KLK5: variants seen among roughly 807,000 people sequenced by gnomAD.
The protein encoded by KLK5 is kallikrein related peptidase 5, also known as kallikrein-5.
Under a neutral mutation model 24.0 loss-of-function variants are expected in KLK5, and 18 were observed. That is an observed-to-expected ratio of 0.75 (90% confidence interval 0.52 to 1.11). KLK5 has a LOEUF of 1.11. KLK5 is among the 50% of genes most tolerant of loss of function. The pLI, the probability that KLK5 is intolerant of heterozygous loss-of-function variation, is 0.00. For synonymous variants in KLK5, 140 were observed against 154.0 expected (o/e 0.91, Z 0.67); for missense variants, 374 against 379.2 (o/e 0.99, Z 0.11).
rs2090658501 is a variant in KLK5, at chr19:50,948,873, G to A, written c.578C>T (p.Thr193Ile). The A allele has an allele frequency of 1.2e-6, 2 of 1,614,070 alleles. No individual in the cohort carries two copies. Among genetic ancestry groups the A allele is most frequent in the Middle Eastern group, 1.6e-4 (1 of 6,062 alleles). ...TGGACACTCACCTTGGGGGCTCTTGGTTGTCCCCCAGCCAGACACCAAGCA... is the reference window on the plus strand; with the variant it reads ...TGGACACTCACCTTGGGGGCTCTTGATTGTCCCCCAGCCAGACACCAAGCA... ...TKCLVSGWGT[T>I]KSPQVHFPKV... Residue 193 changes from threonine to isoleucine, a missense_variant, in exon 4 of 6, where the codon ACC becomes ATC. Thr to Ile is a moderately conservative substitution (Grantham distance 89). Transcript: ENST00000336334.
intron 4 of KLK5, 27 bp downstream of exon 4, chr19:50,948,832 G>A (rs376886871): frequency 5.9e-5 from 95 of 1,613,874 alleles, no homozygotes; most frequent in South Asian, 1.3e-4. Flanking sequence ...GAGATGGGTC[G>A]GTATCAAGAA....
intron 5 of KLK5, among the ~76,000 whole-genome samples, chr19:50,944,974 C>A (rs2090617870): frequency 6.6e-6 from 1 of 150,708 alleles, no homozygotes; most frequent in South Asian, 2.1e-4. Flanking sequence ...TTTCTTTCTT[C>A]TTTCTTTCTT....
Position 50,950,093 on chromosome 19 carries a change from C to A in KLK5, c.97G>T (p.Val33Phe). The A allele has an allele frequency of 6.2e-7, 1 of 1,612,176 alleles. No homozygotes were observed. The highest frequency in any genetic ancestry group is 1.1e-5 in the South Asian group (1 of 91,046). ...GTGTTAGAGGGGTGGTCACAGGAAA[C>A]ATCATTGTTGGCGAGAACATGCTCT... ...VTEHVLANND[V>F]SCDHPSNTVP... Residue 33 changes from valine to phenylalanine, a missense_variant, in exon 3 of 6, where the codon GTT becomes TTT. Coordinates refer to ENST00000336334, the MANE Select transcript of KLK5 (RefSeq NM_012427.5).
chr19:50,951,018 T>A (rs1220638471), intron 2 of KLK5, among the ~76,000 whole-genome samples: 1 of 147,382 alleles, frequency 6.8e-6, no homozygotes. Flanking sequence ...CCTAGGGGCG[T>A]GGTTGAGGAA....
chr19:50,944,425 C>T, intron 5 of KLK5, among the ~76,000 whole-genome samples: 1 of 152,176 alleles, frequency 6.6e-6, no homozygotes, highest in Non-Finnish European at 1.5e-5. Context: ...CATCTCGAAT[C>T]TTCGTCTCTA....
At chr19:50,944,195 C>G (rs978262929) in intron 5 of KLK5, among the ~76,000 whole-genome samples, 3 of 151,874 alleles carry the variant, frequency 2.0e-5, no homozygotes, top group African/African-American at 7.3e-5. Flanking sequence ...TTTGTAGAGA[C>G]GGGGTTTCAC....
rs2123571130 is a variant in KLK5, at chr19:50,949,713, A to AGCCCTC, written c.335+141_335+142insGAGGGC. 2 of 444,960 alleles carry AGCCCTC rather than the reference A, an allele frequency of 4.5e-6. 1 individual carries two copies. Among genetic ancestry groups the AGCCCTC allele is most frequent in the South Asian group, 4.1e-5 (2 of 48,686 alleles). 27.6% of individuals were successfully genotyped at this position (444,960 alleles called of 1,614,324 possible). On this transcript the variant is annotated intron_variant, in intron 3 of 5. Coordinates refer to ENST00000336334, the MANE Select transcript of KLK5 (RefSeq NM_012427.5). ...CCCACATCCCCAACCCATCCCCACC[A>AGCCCTC]ACCCTCACCTTCCATGACACCCCCA...
At position 50,951,628 on chromosome 19, in the gene KLK5, A is replaced by G. The variant is rs181449079; in HGVS notation, c.73+957T>C. Among the ~76,000 whole-genome samples, 207 of 152,308 alleles carry G rather than the reference A, an allele frequency of 1.4e-3. 2 individuals are homozygous for G. The highest frequency in any genetic ancestry group is 4.6e-4 in the Admixed American group (7 of 15,300). Reference sequence around the variant, plus strand: ...CACCATCATTCACGAACTCACCCCAAGAACCACGCGCACAACAGCAGTAAC... The same window carrying G: ...CACCATCATTCACGAACTCACCCCAGGAACCACGCGCACAACAGCAGTAAC... On this transcript the variant is annotated intron_variant, in intron 2 of 5. Transcript: ENST00000336334.
intron 5 of KLK5, among the ~76,000 whole-genome samples, chr19:50,945,112 T>C (rs1039034637): frequency 6.6e-6 from 1 of 151,076 alleles, no homozygotes; most frequent in African/African-American, 2.4e-5. Context: ...CTTTTTTTTT[T>C]CTTTCTGACA....
chr19:50,952,927 C>G lies in KLK5; in HGVS notation c.-192G>C. 3.1e-6 allele frequency: 1 copy of G among 327,616 alleles called. No individual in the cohort carries two copies. 20.3% of individuals were successfully genotyped at this position (327,616 alleles called of 1,614,324 possible). On this transcript the variant is annotated 5_prime_UTR_variant, in exon 1 of 6. Coordinates refer to ENST00000336334, the MANE Select transcript of KLK5 (RefSeq NM_012427.5). The stretch of plus-strand genomic sequence containing the variant: ...ACCTCTCCTTCCCTGCCTGCTGAGC[C>G]ACCCTCACCAGGTCTCACTTGCCCT...
chr19:50,952,629 C>T lies in KLK5; in HGVS notation c.29G>A (p.Trp10Ter). The T allele has an allele frequency of 6.2e-7, 1 of 1,605,190 alleles. No individual in the cohort carries two copies. The highest frequency in any genetic ancestry group is 8.5e-7 in the Non-Finnish European group (1 of 1,175,828). Residue 10 changes from tryptophan (W) to a stop codon, truncating the protein, a stop_gained, in exon 2 of 6, where the codon TGG becomes TAG. Coordinates refer to ENST00000336334, the MANE Select transcript of KLK5 (RefSeq NM_012427.5). LOFTEE classifies it high-confidence loss of function. ...GGCTGTGATCAGAGCACAGAGCACCCACATCCAGGGGGGTCTTGCTGTAGC... is the reference window on the plus strand; with the variant it reads ...GGCTGTGATCAGAGCACAGAGCACCTACATCCAGGGGGGTCTTGCTGTAGC... MATARPPWM[W>*]VLCALITALL...
At chr19:50,946,646 G>A (rs931663847) in intron 5 of KLK5, among the ~76,000 whole-genome samples, 5 of 151,496 alleles carry the variant, frequency 3.3e-5, no homozygotes, top group African/African-American at 7.3e-5. Context: ...TGCAAGTTCC[G>A]CCTCCCGGGT....
At position 50,949,010 on chromosome 19, in the gene KLK5, G is replaced by T; in HGVS notation, c.441C>A (p.His147Gln). ...GCATGAGGTCGTTAGAGTGGCCAGG[G>T]TGGGAGTAGCCAGGGTGGGGGATGG... Reference protein sequence around the residue: ...VKSIPHPGYSHPGHSNDLMLI... With the variant: ...VKSIPHPGYSQPGHSNDLMLI... The change falls in exon 4 of 6, where the codon CAC becomes CAA. Residue 147 changes from histidine to glutamine, a missense_variant. Physicochemically the swap from His to Gln is conservative, Grantham distance 24. Transcript: ENST00000336334. 6.2e-7 allele frequency: 1 copy of T among 1,613,946 alleles called. No individual in the cohort carries two copies. The highest frequency in any genetic ancestry group is 8.5e-7 in the Non-Finnish European group (1 of 1,179,978).
In KLK5 at chr19:50,950,351, T is replaced by C. The variant is rs984492956; in HGVS notation, c.74-235A>G. ...AACTGGACCTCACAGATTCCTGGAA[T>C]TGGCTAGAACTACATGTGAGGGTAA... On this transcript the variant is annotated intron_variant, in intron 2 of 5. Coordinates refer to ENST00000336334, the MANE Select transcript of KLK5 (RefSeq NM_012427.5). 11 of 579,118 alleles carry C rather than the reference T, an allele frequency of 1.9e-5. No homozygotes were observed. The African/African-American group carries it at 2.1e-4, about 11-fold the overall frequency. The allele number at this position is 579,118 out of a possible 1,614,324, so 35.9% of individuals were successfully genotyped here.
intron 3 of KLK5, 101 bp downstream of exon 3, chr19:50,949,754 C>T (rs1345721990): frequency 4.6e-6 from 3 of 651,894 alleles, no homozygotes; most frequent in African/African-American, 2.0e-5. Context: ...ACTTCCCCGT[C>T]CCCACCAGCC....
chr19:50,952,225 C>T (rs1006642336), intron 2 of KLK5, among the ~76,000 whole-genome samples: 3 of 67,796 alleles, frequency 4.4e-5, no homozygotes, highest in African/African-American at 1.9e-4. Flanking sequence ...AGTCACCACA[C>T]ACAGCCAAAC....
intron 5 of KLK5, among the ~76,000 whole-genome samples, chr19:50,944,687 G>A (rs1178654391): frequency 6.6e-6 from 1 of 152,190 alleles, no homozygotes; most frequent in Non-Finnish European, 1.5e-5. Flanking sequence ...CCTGCCGTGT[G>A]CATCATAGCA....
At position 50,950,235 on chromosome 19, in the gene KLK5, G is replaced by A. The variant is rs1019871957; in HGVS notation, c.74-119C>T. On this transcript the variant is annotated intron_variant, in intron 2 of 5. Transcript: ENST00000336334. ...GGTGTCTGACATGCTGAGGGGGCAG[G>A]GGCAGGGCCTGGAGAATAAGAGTGG... 13 of 934,760 alleles carry A rather than the reference G, an allele frequency of 1.4e-5. No homozygotes were observed. The African/African-American group carries it at 2.1e-4, about 15-fold the overall frequency. The allele number at this position is 934,760 out of a possible 1,614,324, so 57.9% of individuals were successfully genotyped here.
chr19:50,946,759 C>A (rs1425672046), intron 5 of KLK5, among the ~76,000 whole-genome samples: 1 of 152,114 alleles, frequency 6.6e-6, no homozygotes. Context: ...CAGGGTTTCA[C>A]CGTGTCAGCC....
Sources: gnomAD v4.1 joint callset for allele counts (sites outside exome capture counted in the v4.1 genomes callset) on GRCh38, gnomAD v4.1.1 for gene constraint, MANE v1.5 for transcripts, NCBI Gene and HGNC (gene_info 2026-07-23, HGNC 2026-07-21) for gene names.